The following GREM2 variants were observed in gnomAD, a reference collection of about 807,000 sequenced individuals.
GREM2 encodes gremlin-2.
Under a neutral mutation model 14.2 loss-of-function variants are expected in GREM2, and 11 were observed. The ratio of observed to expected loss-of-function variants is 0.78; its 90% confidence interval spans 0.49 to 1.28. The LOEUF (loss-of-function observed/expected upper bound fraction) is 1.28, where lower values mean the gene tolerates loss of function less well. Among genes scored for constraint, GREM2 ranks in the 50% most tolerant of loss-of-function variants. GREM2 has a pLI of 0.00. For missense variants in GREM2, 210 were observed against 218.5 expected (o/e 0.96, Z 0.24); for synonymous variants, 98 against 97.6 (o/e 1.00, Z -0.02).
chr1:240,551,369 G>A (rs2103338392), intron 1 of GREM2, among the ~76,000 whole-genome samples: 1 of 152,094 alleles, frequency 6.6e-6, no homozygotes, highest in East Asian at 1.9e-4. Flanking sequence ...ATTTTTTTGA[G>A]ATGGAGTCTT....
At position 240,505,689 on chromosome 1, in the gene GREM2, G is replaced by C. The variant is rs192949522; in HGVS notation, c.-1-12213C>G. Among the ~76,000 whole-genome samples, 15 of 151,318 alleles carry C rather than the reference G, an allele frequency of 9.9e-5. No homozygotes were observed. In the East Asian group the frequency reaches 2.9e-3, roughly 29 times the overall value. ...CCCCAAAATTTAAATACTTTAATGT[G>C]ACCACATTATTAAAATCAAAATCTA... On this transcript the variant is annotated intron_variant, in intron 1 of 1. Coordinates refer to ENST00000318160, the MANE Select transcript of GREM2 (RefSeq NM_022469.4).
intron 1 of GREM2, chr1:240,530,733 G>A (rs1204925368): frequency 6.6e-6 from 1 of 152,198 alleles, no homozygotes; most frequent in Non-Finnish European, 1.5e-5. Context: ...AAAGTCCTGA[G>A]ATTCTTTCTA....
At chr1:240,515,126 T>C (rs9428848) in intron 1 of GREM2, among the ~76,000 whole-genome samples, 38,363 of 151,996 alleles carry the variant, frequency 0.25, 5,277 homozygotes, top group East Asian at 0.46. Flanking sequence ...AGGACAGAAA[T>C]AGCAGCGGGA....
At chr1:240,495,953 T>TTTTTG (rs1558136197) in intron 1 of GREM2, among the ~76,000 whole-genome samples, 25 of 110,732 alleles carry the variant, frequency 2.3e-4, no homozygotes, top group East Asian at 1.4e-3. Flanking sequence ...TTTTGTTTTT[T>TTTTTG]TTTTGATGGA....
At chr1:240,525,070 A>C (rs1177388515) in intron 1 of GREM2, among the ~76,000 whole-genome samples, 1 of 152,088 alleles carries the variant, frequency 6.6e-6, no homozygotes, top group East Asian at 1.9e-4. Context: ...AATGTAAAGC[A>C]CCTAGTGGGT....
chr1:240,529,771 C>T (rs895550128), intron 1 of GREM2, among the ~76,000 whole-genome samples: 1 of 152,090 alleles, frequency 6.6e-6, no homozygotes, highest in African/African-American at 2.4e-5. Flanking sequence ...TATTACACTC[C>T]CAAGCAATGT....
At chr1:240,581,877 A>G (rs1289673021) in intron 1 of GREM2, among the ~76,000 whole-genome samples, 1 of 152,244 alleles carries the variant, frequency 6.6e-6, no homozygotes, top group East Asian at 1.9e-4. Flanking sequence ...GTTCTCCAAA[A>G]TAAAGTCATA....
At chr1:240,561,790 GATA>G (rs1339405571) in intron 1 of GREM2, among the ~76,000 whole-genome samples, 3 of 151,454 alleles carry the variant, frequency 2.0e-5, no homozygotes, top group Non-Finnish European at 2.9e-5. Context: ...CAGATATATG[GATA>G]ATATTTATTT....
chr1:240,547,294 A>C (rs1678749085), intron 1 of GREM2, among the ~76,000 whole-genome samples: 1 of 151,868 alleles, frequency 6.6e-6, no homozygotes, highest in Admixed American at 6.6e-5. Context: ...AGGGCAGGAG[A>C]TCAAGACCAT....
At chr1:240,561,605 G>A (rs572636059) in intron 1 of GREM2, among the ~76,000 whole-genome samples, 3 of 151,584 alleles carry the variant, frequency 2.0e-5, no homozygotes, top group Non-Finnish European at 4.4e-5. Flanking sequence ...TTAATGCCTC[G>A]ATAAGAGGCT....
intron 1 of GREM2, among the ~76,000 whole-genome samples, chr1:240,574,530 G>T (rs1349473613): frequency 6.6e-6 from 1 of 152,104 alleles, no homozygotes; most frequent in Admixed American, 6.5e-5. Context: ...AAAGTAAGGA[G>T]AAATGTTTGC....
intron 1 of GREM2, among the ~76,000 whole-genome samples, chr1:240,536,669 A>AGCTACGTGCATG (rs1558153626): frequency 8.8e-6 from 1 of 113,844 alleles, no homozygotes; most frequent in South Asian, 2.6e-4. Context: ...AGCCATCTGT[A>AGCTACGTGCATG]GAGTTTAAGA....
chr1:240,583,111 A>G (rs570713304), intron 1 of GREM2, among the ~76,000 whole-genome samples: 14 of 152,252 alleles, frequency 9.2e-5, no homozygotes, highest in African/African-American at 3.1e-4. Flanking sequence ...CATTTCCTGT[A>G]TCTGTCTGCA....
intron 1 of GREM2, among the ~76,000 whole-genome samples, chr1:240,560,774 A>G (rs1325755794): frequency 1.3e-5 from 2 of 152,158 alleles, no homozygotes; most frequent in Non-Finnish European, 2.9e-5. Context: ...AGCTTTTCTC[A>G]TCTAGCTAAA....
intron 1 of GREM2, among the ~76,000 whole-genome samples, chr1:240,586,425 G>A (rs998494276): frequency 6.6e-6 from 1 of 152,196 alleles, no homozygotes; most frequent in Non-Finnish European, 1.5e-5. Context: ...ACTTCTCACT[G>A]AGTGACCTTA....
At chr1:240,527,728 T>A (rs1390730282) in intron 1 of GREM2, among the ~76,000 whole-genome samples, 1 of 152,242 alleles carries the variant, frequency 6.6e-6, no homozygotes, top group Non-Finnish European at 1.5e-5. Context: ...TACACAAATG[T>A]GGTACTGTTA....
At chr1:240,524,522 G>A (rs1159161430) in intron 1 of GREM2, among the ~76,000 whole-genome samples, 1 of 152,182 alleles carries the variant, frequency 6.6e-6, no homozygotes, top group African/African-American at 2.4e-5. Context: ...ACAATAAATG[G>A]TGTTGGGACA....
intron 1 of GREM2, among the ~76,000 whole-genome samples, chr1:240,524,802 A>C (rs1678185482): frequency 6.6e-6 from 1 of 152,162 alleles, no homozygotes; most frequent in African/African-American, 2.4e-5. Context: ...AACTACTTCC[A>C]AGACAAAAAT....
At chr1:240,526,544 C>G (rs899129047) in intron 1 of GREM2, among the ~76,000 whole-genome samples, 2 of 152,146 alleles carry the variant, frequency 1.3e-5, no homozygotes, top group African/African-American at 2.4e-5. Context: ...CGGCCTAGAT[C>G]AGGTTACTCC....
Sources: gnomAD v4.1 joint callset for allele counts (sites outside exome capture counted in the v4.1 genomes callset) on GRCh38, gnomAD v4.1.1 for gene constraint, MANE v1.5 for transcripts, NCBI Gene and HGNC (gene_info 2026-07-23, HGNC 2026-07-21) for gene names.